SEL1L3: variants seen among roughly 807,000 people sequenced by gnomAD.
SEL1L3 encodes protein sel-1 homolog 3.
SEL1L3 carries 76 observed loss-of-function variants against 142.8 expected under a neutral mutation model. That is an observed-to-expected ratio of 0.53 (90% CI 0.44 to 0.64). The LOEUF (loss-of-function observed/expected upper bound fraction) is 0.64. Ranked by LOEUF, SEL1L3 falls within the 30% of genes least tolerant of loss-of-function variation. The pLI is 0.00. For synonymous variants in SEL1L3, 504 were observed against 519.6 expected, an observed-to-expected ratio of 0.97 and a Z score of 0.41; for missense variants, 1,262 against 1,381.7, an observed-to-expected ratio of 0.91 and a Z score of 1.37.
At chr4:25,813,880 A>G (rs1457043206) in intron 9 of SEL1L3, among the ~76,000 whole-genome samples, 1 of 152,190 alleles carries the variant, frequency 6.6e-6, no homozygotes, top group Non-Finnish European at 1.5e-5. Context: ...TCCACTTCCC[A>G]CTGGCTGTTA....
At chr4:25,714,004 C>T in the SEL1L3 span, among the ~76,000 whole-genome samples, 1 of 152,074 alleles carries the variant, frequency 6.6e-6, no homozygotes, top group Non-Finnish European at 1.5e-5. Flanking sequence ...CACACGTGAA[C>T]CACCAGTGAT....
the SEL1L3 span, among the ~76,000 whole-genome samples, chr4:25,734,794 C>G: frequency 6.6e-6 from 1 of 152,098 alleles, no homozygotes; most frequent in African/African-American, 2.4e-5. Context: ...GTTTCAAACT[C>G]CTGACCTCAG....
chr4:25,723,441 G>C, the SEL1L3 span, among the ~76,000 whole-genome samples: 1 of 152,162 alleles, frequency 6.6e-6, no homozygotes, highest in Non-Finnish European at 1.5e-5. Context: ...TTGTGACTCT[G>C]AGATTTTGTG....
At chr4:25,832,689 G>T (rs760671551) in intron 5 of SEL1L3, among the ~76,000 whole-genome samples, 2 of 152,116 alleles carry the variant, frequency 1.3e-5, no homozygotes, top group African/African-American at 4.8e-5. Context: ...TCTCCACAAA[G>T]CCTATCTCCC....
downstream of SEL1L3, among the ~76,000 whole-genome samples, chr4:25,745,678 C>T (rs1717240379): frequency 6.6e-6 from 1 of 152,222 alleles, no homozygotes. Context: ...TTAGCATCTA[C>T]AATACACAAG....
At chr4:25,732,530 T>C in the SEL1L3 span, among the ~76,000 whole-genome samples, 1 of 152,182 alleles carries the variant, frequency 6.6e-6, no homozygotes, top group Admixed American at 6.5e-5. Context: ...TTAGCTATGA[T>C]AATGGATATG....
the SEL1L3 span, among the ~76,000 whole-genome samples, chr4:25,733,349 C>T: frequency 6.6e-6 from 1 of 151,640 alleles, no homozygotes; most frequent in South Asian, 2.1e-4. Flanking sequence ...CTTTTGTTAT[C>T]CCTCAGTATT....
intron 5 of SEL1L3, 72 bp downstream of exon 5, chr4:25,832,923 C>T (rs1273587970): frequency 4.0e-5 from 37 of 935,176 alleles, no homozygotes; most frequent in Non-Finnish European, 5.8e-5. Flanking sequence ...TGTTGCTCCC[C>T]GGCTTTATAG....
chr4:25,776,358 C>T lies in SEL1L3; in HGVS notation c.2588G>A (p.Trp863Ter). Residue 863 changes from tryptophan (W) to a stop codon, truncating the protein, a stop_gained and splice_region_variant, in exon 17 of 24, where the codon TGG becomes TAG. Transcript: ENST00000399878. LOFTEE classifies it high-confidence loss of function. ...ATTTTTCTCAGCTACATGTTTTGCC[C>T]ATCTGAAAAAAAAAAGGGAAGAGAA... Reference protein sequence around the residue: ...FPRDPEKAVVWAKHVAEKNGY... With the variant: ...FPRDPEKAVV The T allele has an allele frequency of 1.2e-6, 2 of 1,604,068 alleles. No individual in the cohort carries two copies. The highest frequency in any genetic ancestry group is 1.7e-6 in the Non-Finnish European group (2 of 1,174,136).
chr4:25,792,133 C>T (rs1712380184), intron 11 of SEL1L3, among the ~76,000 whole-genome samples: 1 of 152,178 alleles, frequency 6.6e-6, no homozygotes, highest in Non-Finnish European at 1.5e-5. Context: ...AACAGTAACA[C>T]TTAGAATAAC....
chr4:25,862,810 C>G lies in SEL1L3; in HGVS notation c.27G>C (p.Gly9=), dbSNP rs1421008549. The change falls in exon 1 of 24, where the codon GGG becomes GGC. Residue 9 remains glycine (G), a synonymous_variant. Coordinates refer to ENST00000399878, the MANE Select transcript of SEL1L3 (RefSeq NM_015187.5). ...GTTGCTGCTGCTGCTGCCGCGGCCACCCGAGCCCCGCGCCGCGCCGCTGCA... is the reference window on the plus strand; with the variant it reads ...GTTGCTGCTGCTGCTGCCGCGGCCAGCCGAGCCCCGCGCCGCGCCGCTGCA... The part of the protein sequence containing the change: MQRRGAGL[G]WPRQQQQQPP... The G allele has an allele frequency of 1.7e-6, 2 of 1,155,118 alleles. No individual in the cohort carries two copies. The highest frequency in any genetic ancestry group is 2.1e-6 in the Non-Finnish European group (2 of 939,956). 71.6% of individuals were successfully genotyped at this position (1,155,118 alleles called of 1,614,324 possible).
At chr4:25,863,521 G>C (rs1378112091), upstream of SEL1L3, 1 of 702,814 alleles carries the variant, frequency 1.4e-6, no homozygotes, top group Admixed American at 2.0e-5. Flanking sequence ...ATTCCCGCAG[G>C]GCGCAGGGCG....
chr4:25,776,441 T>C (rs886920379), intron 16 of SEL1L3, 81 bp from the exon 17 acceptor site: 1 of 947,020 alleles, frequency 1.1e-6, no homozygotes, highest in Non-Finnish European at 1.7e-6. Flanking sequence ...TCTCAATAAA[T>C]CCCACTTGGG....
At position 25,847,841 on chromosome 4, in the gene SEL1L3, C is replaced by T. The variant is rs761538713; in HGVS notation, c.186G>A (p.Arg62=). 1.3e-6 allele frequency: 2 copies of T among 1,577,862 alleles called. No individual in the cohort carries two copies. The highest frequency in any genetic ancestry group is 3.8e-5 in the Admixed American group (2 of 52,238). ...TCACTGATGTCGTCAGGGAAGTCTG[C>T]CTACCCAAAGATGGTACAACATTCT... is the stretch of plus-strand genomic sequence containing the variant. The part of the protein sequence containing the change: ...CYLNVVPSLG[R]QTSLTTSVIP... Residue 62 remains arginine (R), a synonymous_variant, in exon 2 of 24, where the codon AGG becomes AGA. Coordinates refer to ENST00000399878, the MANE Select transcript of SEL1L3 (RefSeq NM_015187.5).
In SEL1L3 at chr4:25,822,139, G is replaced by T; in HGVS notation, c.1158-11C>A. On this transcript the variant is annotated splice_polypyrimidine_tract_variant and intron_variant, in intron 6 of 23. Transcript: ENST00000399878. Reference sequence around the variant, plus strand: ...AAATCCTCCCGGAAGCTAGAGAAGAGAATGAAGGATTAAGAGAGCTCCATG... The same window carrying T: ...AAATCCTCCCGGAAGCTAGAGAAGATAATGAAGGATTAAGAGAGCTCCATG... The T allele has an allele frequency of 6.2e-7, 1 of 1,613,850 alleles. No individual in the cohort carries two copies. Among genetic ancestry groups the T allele is most frequent in the Non-Finnish European group, 8.5e-7 (1 of 1,179,774 alleles).
intron 17 of SEL1L3, among the ~76,000 whole-genome samples, chr4:25,774,340 T>C (rs1719449711): frequency 6.6e-6 from 1 of 152,110 alleles, no homozygotes; most frequent in Non-Finnish European, 1.5e-5. Context: ...ATGTACTCAG[T>C]AAAATCTGCG....
intron 1 of SEL1L3, among the ~76,000 whole-genome samples, chr4:25,853,438 A>T (rs942225643): frequency 2.0e-5 from 3 of 152,208 alleles, no homozygotes; most frequent in Non-Finnish European, 2.9e-5. Flanking sequence ...ATGTTATCCA[A>T]CATGGTAGTC....
At chr4:25,715,720 A>C in the SEL1L3 span, among the ~76,000 whole-genome samples, 3 of 152,198 alleles carry the variant, frequency 2.0e-5, no homozygotes, top group African/African-American at 7.2e-5. Flanking sequence ...ATATTATGGA[A>C]TATTATATAG....
intron 11 of SEL1L3, among the ~76,000 whole-genome samples, chr4:25,799,973 G>A (rs1479978413): frequency 6.6e-6 from 1 of 152,134 alleles, no homozygotes; most frequent in Non-Finnish European, 1.5e-5. Context: ...AGAATGCGAG[G>A]ACTAATCATT....
Sources: allele counts gnomAD v4.1 joint callset (sites outside exome capture counted in the v4.1 genomes callset), GRCh38; gene constraint gnomAD v4.1.1; transcripts MANE v1.5; gene names NCBI Gene and HGNC (gene_info 2026-07-23, HGNC 2026-07-21).